Variants in CNIH3 observed in about 807,000 individuals in gnomAD.
The protein encoded by CNIH3 is protein cornichon homolog 3.
A neutral mutation model predicts 24.1 loss-of-function variants in CNIH3; 14 were observed. That is an observed-to-expected ratio of 0.58 (90% CI 0.38 to 0.91). The LOEUF (loss-of-function observed/expected upper bound fraction) is 0.91, where lower values mean the gene tolerates loss of function less well. CNIH3 is among the 40% of genes least tolerant of loss of function. The pLI, the probability that CNIH3 is intolerant of heterozygous loss-of-function variation, is 0.00. For missense variants in CNIH3, 178 were observed against 196.8 expected, an observed-to-expected ratio of 0.90 and a Z score of 0.57; for synonymous variants, 68 against 73.8, an observed-to-expected ratio of 0.92 and a Z score of 0.40.
intron 1 of CNIH3, among the ~76,000 whole-genome samples, chr1:224,437,441 A>G (rs957730647): frequency 1.3e-5 from 2 of 152,222 alleles, no homozygotes; most frequent in African/African-American, 4.8e-5. Flanking sequence ...TGTAGAATCA[A>G]ATATCGAGTA....
intron 3 of CNIH3, among the ~76,000 whole-genome samples, chr1:224,721,297 T>C (rs1482398609): frequency 2.0e-5 from 3 of 152,102 alleles, no homozygotes; most frequent in Non-Finnish European, 4.4e-5. Context: ...GCCCTCCTTA[T>C]TCTGAGAGGA....
chr1:224,498,993 G>C (rs1472209389), intron 1 of CNIH3, among the ~76,000 whole-genome samples: 2 of 152,232 alleles, frequency 1.3e-5, no homozygotes, highest in East Asian at 3.8e-4. Flanking sequence ...TAGCTCCCCA[G>C]AGGGCTGGGA....
At chr1:224,588,779 T>C (rs1558187936), downstream of CNIH3, among the ~76,000 whole-genome samples, 1 of 151,912 alleles carries the variant, frequency 6.6e-6, no homozygotes, top group Non-Finnish European at 1.5e-5. Flanking sequence ...CACTTACTTA[T>C]TTCTTAGCTC....
chr1:224,547,515 G>A (rs1020589418), intron 3 of CNIH3, among the ~76,000 whole-genome samples: 1 of 151,602 alleles, frequency 6.6e-6, no homozygotes, highest in African/African-American at 2.4e-5. Context: ...CCCTGTGATA[G>A]TATTAGTAAT....
intron 1 of CNIH3, chr1:224,454,394 C>A: frequency 1.2e-6 from 1 of 828,424 alleles, no homozygotes; most frequent in Non-Finnish European, 1.5e-6. Context: ...ATTGAAATGT[C>A]ATAAACCATC....
At chr1:224,455,486 T>C (rs1257603516) in intron 1 of CNIH3, among the ~76,000 whole-genome samples, 1 of 152,202 alleles carries the variant, frequency 6.6e-6, no homozygotes, top group Non-Finnish European at 1.5e-5. Flanking sequence ...GTTTGGAATG[T>C]TCTTTGACTT....
intron 1 of CNIH3, among the ~76,000 whole-genome samples, chr1:224,643,429 C>T (rs1027572564): frequency 1.3e-5 from 2 of 152,218 alleles, no homozygotes; most frequent in African/African-American, 4.8e-5. Context: ...AGTGTAACCA[C>T]ACTGGCCTGC....
downstream of CNIH3, among the ~76,000 whole-genome samples, chr1:224,589,042 G>T (rs1218802998): frequency 6.9e-6 from 1 of 144,376 alleles, no homozygotes; most frequent in Non-Finnish European, 1.5e-5. Flanking sequence ...TGCGAGAATG[G>T]ATTGAGGAGT....
intron 2 of CNIH3, among the ~76,000 whole-genome samples, chr1:224,532,885 G>A (rs909882240): frequency 1.5e-4 from 23 of 152,164 alleles, no homozygotes; most frequent in African/African-American, 5.1e-4. Flanking sequence ...CACCTTGTGA[G>A]TTTAGATTAT....
At chr1:224,662,472 G>T (rs1469217669) in intron 1 of CNIH3, among the ~76,000 whole-genome samples, 1 of 152,062 alleles carries the variant, frequency 6.6e-6, no homozygotes, top group African/African-American at 2.4e-5. Flanking sequence ...TTTTGTTTTG[G>T]CTGGGTTTAT....
At position 224,739,469 on chromosome 1, in the gene CNIH3, A is replaced by G. The variant is rs1215879627; in HGVS notation, c.*113A>G. The G allele has an allele frequency of 6.4e-7, 1 of 1,554,806 alleles. No homozygotes were observed. Among genetic ancestry groups the G allele is most frequent in the Non-Finnish European group, 8.7e-7 (1 of 1,154,304 alleles). Reference sequence around the variant, plus strand: ...CAGAATGAGGATACGTGAGAAATAGACCCGGCAGGCAGTCAGACTGAATGG... The same window carrying G: ...CAGAATGAGGATACGTGAGAAATAGGCCCGGCAGGCAGTCAGACTGAATGG... On this transcript the variant is annotated 3_prime_UTR_variant, in exon 6 of 6. Coordinates refer to ENST00000272133, the MANE Select transcript of CNIH3 (RefSeq NM_152495.2).
intron 4 of CNIH3, among the ~76,000 whole-genome samples, chr1:224,578,590 G>A (rs1472750736): frequency 2.6e-5 from 4 of 151,980 alleles, no homozygotes; most frequent in Non-Finnish European, 5.9e-5. Context: ...GTAGGTACTA[G>A]TACCTAGTAT....
At chr1:224,611,910 G>A (rs1194964561), upstream of CNIH3, among the ~76,000 whole-genome samples, 1 of 152,168 alleles carries the variant, frequency 6.6e-6, no homozygotes, top group Non-Finnish European at 1.5e-5. Context: ...AAAATATTTT[G>A]AAATAACGAG....
intron 1 of CNIH3, among the ~76,000 whole-genome samples, chr1:224,623,832 G>A (rs1159272460): frequency 6.6e-6 from 1 of 151,934 alleles, no homozygotes; most frequent in South Asian, 2.1e-4. Flanking sequence ...ACTGCCCTTC[G>A]CAGGTCCACC....
At chr1:224,539,311 AAATCATCAATTGCC>A (rs906964230), downstream of CNIH3, among the ~76,000 whole-genome samples, 1 of 152,190 alleles carries the variant, frequency 6.6e-6, no homozygotes, top group African/African-American at 2.4e-5. Flanking sequence ...CTTGACATCC[AAATCATCAATTGCC>A]AAGTTCTGTC....
intron 3 of CNIH3, among the ~76,000 whole-genome samples, chr1:224,701,878 A>G (rs184509476): frequency 2.0e-5 from 3 of 152,282 alleles, no homozygotes; most frequent in African/African-American, 7.2e-5. Context: ...ATTTTTCGTT[A>G]TTAATTGTTT....
chr1:224,479,498 A>G (rs965567207), intron 1 of CNIH3, among the ~76,000 whole-genome samples: 2 of 152,208 alleles, frequency 1.3e-5, no homozygotes, highest in Non-Finnish European at 2.9e-5. Context: ...TCAAAAGTCC[A>G]CAGTCCCAAG....
chr1:224,509,613 C>G (rs1172115546), intron 1 of CNIH3, among the ~76,000 whole-genome samples: 2 of 152,182 alleles, frequency 1.3e-5, no homozygotes, highest in African/African-American at 4.8e-5. Flanking sequence ...AAATAGCTGC[C>G]AGAGTGGTTT....
At chr1:224,610,940 G>T (rs553741429) in intron 3 of CNIH3, among the ~76,000 whole-genome samples, 1 of 152,288 alleles carries the variant, frequency 6.6e-6, no homozygotes, top group South Asian at 2.1e-4. Context: ...CCTGGAAATT[G>T]TATTAGGCTG....
Sources: gnomAD v4.1 joint callset for allele counts (sites outside exome capture counted in the v4.1 genomes callset) on GRCh38, gnomAD v4.1.1 for gene constraint, MANE v1.5 for transcripts, NCBI Gene and HGNC (gene_info 2026-07-23, HGNC 2026-07-21) for gene names.